MPHOSPH10: variants seen among roughly 807,000 people sequenced by gnomAD.
MPHOSPH10 encodes the protein U3 small nucleolar ribonucleoprotein MPP10.
A neutral mutation model predicts 77.3 loss-of-function variants in MPHOSPH10; 33 were observed. That is an observed-to-expected ratio of 0.43 (90% CI 0.32 to 0.57). MPHOSPH10 has a LOEUF of 0.57. Among genes scored for constraint, MPHOSPH10 ranks in the 20% least tolerant of loss-of-function variants. MPHOSPH10 has a pLI of 0.07. For synonymous variants in MPHOSPH10, 245 were observed against 268.0 expected, an observed-to-expected ratio of 0.91 and a Z score of 0.84; for missense variants, 708 against 780.1, an observed-to-expected ratio of 0.91 and a Z score of 1.10.
rs774711942 is a variant in MPHOSPH10 at position 71,133,542 on chromosome 2, A to G, written c.734A>G (p.Asp245Gly). 20 of 1,606,632 alleles carry G rather than the reference A, an allele frequency of 1.2e-5. No individual in the cohort carries two copies. Among genetic ancestry groups the G allele is most frequent in the Middle Eastern group, 3.3e-4 (2 of 6,006 alleles). The change falls in exon 2 of 11, where the codon GAT becomes GGT. Residue 245 changes from aspartate to glycine, a missense_variant. Physicochemically the swap from Asp to Gly is moderately conservative, Grantham distance 94. Transcript: ENST00000244230. Reference protein sequence around the residue: ...DFFEDIDSDEDEGGLFGSKKL... With the variant: ...DFFEDIDSDEGEGGLFGSKKL... Reference sequence around the variant, plus strand: ...TTTGAAGATATTGATTCTGATGAAGATGAAGGGGGACTGTTTGGAAGTAAA... The same window carrying G: ...TTTGAAGATATTGATTCTGATGAAGGTGAAGGGGGACTGTTTGGAAGTAAA...
intron 5 of MPHOSPH10, 136 bp from the exon 6 acceptor site, chr2:71,139,659 G>A: frequency 1.7e-6 from 1 of 605,678 alleles, no homozygotes; most frequent in Non-Finnish European, 2.9e-6. Flanking sequence ...TCTGATTCAG[G>A]AAGTATGGGG....
At chr2:71,137,487 C>T (rs867412739) in intron 4 of MPHOSPH10, among the ~76,000 whole-genome samples, 2 of 151,766 alleles carry the variant, frequency 1.3e-5, no homozygotes, top group Non-Finnish European at 2.9e-5. Context: ...GGTAAGACCT[C>T]GTCTCTACAA....
At chr2:71,135,575 G>T (rs574252832) in intron 4 of MPHOSPH10, among the ~76,000 whole-genome samples, 7 of 151,518 alleles carry the variant, frequency 4.6e-5, no homozygotes, top group African/African-American at 1.7e-4. Context: ...AAAGATAATT[G>T]TTTTTTTCTC....
intron 7 of MPHOSPH10, among the ~76,000 whole-genome samples, chr2:71,142,248 C>G (rs1673627189): frequency 6.6e-6 from 1 of 152,160 alleles, no homozygotes; most frequent in South Asian, 2.1e-4. Flanking sequence ...CAGTTAGCAA[C>G]AGCAAATTGC....
At position 71,138,392 on chromosome 2, in the gene MPHOSPH10, G is replaced by A. The variant is rs1343860576; in HGVS notation, c.1099-98G>A. 32 of 983,198 alleles carry A rather than the reference G, an allele frequency of 3.3e-5. 2 individuals are homozygous for A. The Admixed American group carries it at 8.4e-4, about 26-fold the overall frequency. 60.9% of individuals were successfully genotyped at this position (983,198 alleles called of 1,614,324 possible). On this transcript the variant is annotated intron_variant, in intron 4 of 10. Transcript: ENST00000244230. ...CAAGAACAGAATCGTAGAACAGTAC[G>A]TTTCTTGCTTTCCCACTTTTTAAAT...
chr2:71,135,785 C>T (rs1191677416), intron 4 of MPHOSPH10, among the ~76,000 whole-genome samples: 1 of 150,966 alleles, frequency 6.6e-6, no homozygotes, highest in Non-Finnish European at 1.5e-5. Flanking sequence ...TCACTGCAAC[C>T]TCCACCTCCC....
Position 71,139,247 on chromosome 2 carries a change from G to A in MPHOSPH10, c.1241-548G>A, listed in dbSNP as rs144949459. 4.8e-3 allele frequency: 774 copies of A among 160,498 alleles called. 11 individuals are homozygous for A. Among genetic ancestry groups the A allele is most frequent in the African/African-American group, 0.018 (740 of 41,578 alleles). 9.9% of individuals were successfully genotyped at this position (160,498 alleles called of 1,614,324 possible). ...ACTTTTAAGTACTTTTGCAGATATC[G>A]TCTAAGAACTAGGACATTCTCCTAT... is the stretch of plus-strand genomic sequence containing the variant. On this transcript the variant is annotated intron_variant, in intron 5 of 10. Coordinates refer to ENST00000244230, the MANE Select transcript of MPHOSPH10 (RefSeq NM_005791.3).
At chr2:71,137,479 T>G (rs1673518672) in intron 4 of MPHOSPH10, among the ~76,000 whole-genome samples, 1 of 151,850 alleles carries the variant, frequency 6.6e-6, no homozygotes, top group Non-Finnish European at 1.5e-5. Flanking sequence ...GGCAACATGG[T>G]AAGACCTCGT....
chr2:71,140,951 T>A (rs1673599356), intron 6 of MPHOSPH10, among the ~76,000 whole-genome samples: 2 of 152,096 alleles, frequency 1.3e-5, no homozygotes, highest in Admixed American at 1.3e-4. Context: ...AAAAAGATAT[T>A]TGAGTAATGG....
At chr2:71,136,864 T>TTTTTTG (rs1673501539) in intron 4 of MPHOSPH10, among the ~76,000 whole-genome samples, 1 of 137,266 alleles carries the variant, frequency 7.3e-6, no homozygotes, top group African/African-American at 2.7e-5. Flanking sequence ...TTTTTTTTTT[T>TTTTTTG]TGAAACTGTT....
At chr2:71,144,780 C>T (rs1050598891) in intron 8 of MPHOSPH10, among the ~76,000 whole-genome samples, 3 of 152,150 alleles carry the variant, frequency 2.0e-5, no homozygotes, top group African/African-American at 7.2e-5. Flanking sequence ...GCTAGTACTG[C>T]CTCTTACTGT....
At chr2:71,139,906 T>C in intron 6 of MPHOSPH10, 44 bp downstream of exon 6, 1 of 1,320,542 alleles carries the variant, frequency 7.6e-7, no homozygotes, top group Non-Finnish European at 1.1e-6. Context: ...GTCACCAAGA[T>C]TTTTAGAAAT....
intron 9 of MPHOSPH10, 182 bp from the exon 10 acceptor site, chr2:71,149,041 C>T: frequency 1.6e-6 from 1 of 621,696 alleles, no homozygotes. Flanking sequence ...GAATGCATTT[C>T]AGGTTTTAAA....
At chr2:71,131,680 ATC>A (rs1673383267) in intron 1 of MPHOSPH10, among the ~76,000 whole-genome samples, 1 of 152,216 alleles carries the variant, frequency 6.6e-6, no homozygotes, top group South Asian at 2.1e-4. Context: ...AAAGGTGGTT[ATC>A]TATTAGCAGA....
intron 4 of MPHOSPH10, 35 bp downstream of exon 4, chr2:71,134,832 G>A (rs1572897212): frequency 7.0e-7 from 1 of 1,424,170 alleles, no homozygotes; most frequent in Non-Finnish European, 9.7e-7. Flanking sequence ...TAATATACTT[G>A]ATATTAACCA....
intron 7 of MPHOSPH10, among the ~76,000 whole-genome samples, chr2:71,142,689 TG>T (rs1157414290): frequency 1.1e-4 from 16 of 152,126 alleles, no homozygotes; most frequent in African/African-American, 3.6e-4. Context: ...TAGAATGAGG[TG>T]AAAGGACATG....
chr2:71,143,789 CTTT>C (rs1673656750), intron 7 of MPHOSPH10, among the ~76,000 whole-genome samples: 1 of 152,170 alleles, frequency 6.6e-6, no homozygotes, highest in African/African-American at 2.4e-5. Context: ...TGCTTCATTT[CTTT>C]TTTATGGTTA....
rs1315882984 is a variant in MPHOSPH10, at chr2:71,148,946, G to A, written c.1666-277G>A. On this transcript the variant is annotated intron_variant, in intron 9 of 10. Coordinates refer to ENST00000244230, the MANE Select transcript of MPHOSPH10 (RefSeq NM_005791.3). The stretch of plus-strand genomic sequence containing the variant: ...AGGGCTGGCTCCTCTTGTGCTGTTA[G>A]GTTGAGAACCCAACTCTCCATGTTG... 5 of 430,224 alleles carry A rather than the reference G, an allele frequency of 1.2e-5. No homozygotes were observed. The Admixed American group carries it at 1.2e-4, about 11-fold the overall frequency. 26.7% of individuals were successfully genotyped at this position (430,224 alleles called of 1,614,324 possible).
chr2:71,136,286 G>C (rs899373225), intron 4 of MPHOSPH10, among the ~76,000 whole-genome samples: 6 of 152,182 alleles, frequency 3.9e-5, no homozygotes, highest in African/African-American at 1.4e-4. Context: ...GCTGAGGAGG[G>C]AGGATTGTTT....
Sources: allele counts gnomAD v4.1 joint callset (sites outside exome capture counted in the v4.1 genomes callset), GRCh38; gene constraint gnomAD v4.1.1; transcripts MANE v1.5; gene names NCBI Gene and HGNC (gene_info 2026-07-23, HGNC 2026-07-21).